The following PXDNL variants were observed in gnomAD, a reference collection of about 807,000 sequenced individuals.
The protein encoded by PXDNL is peroxidasin like, also known as probable oxidoreductase PXDNL.
PXDNL carries 145 observed loss-of-function variants against 150.8 expected under a neutral mutation model. The ratio of observed to expected loss-of-function variants is 0.96; its 90% CI spans 0.84 to 1.10. PXDNL has a LOEUF of 1.10. PXDNL is among the 50% of genes least tolerant of loss of function. PXDNL has a pLI of 0.00. For synonymous variants in PXDNL, 757 were observed against 725.7 expected (o/e 1.04, Z -0.69); for missense variants, 2,087 against 1,873.9 (o/e 1.11, Z -2.10).
At chr8:51,639,138 G>T (rs1814679337) in intron 2 of PXDNL, among the ~76,000 whole-genome samples, 2 of 152,178 alleles carry the variant, frequency 1.3e-5, no homozygotes. Context: ...AAATAAAGAT[G>T]TTCTTTGAAA....
At chr8:51,404,234 G>C (rs1056286248) in intron 17 of PXDNL, among the ~76,000 whole-genome samples, 1 of 152,246 alleles carries the variant, frequency 6.6e-6, no homozygotes. Flanking sequence ...ACTGTCGAAA[G>C]AGACCGGAGT....
chr8:51,679,987 A>G (rs369179919), intron 1 of PXDNL, among the ~76,000 whole-genome samples: 108 of 152,348 alleles, frequency 7.1e-4, no homozygotes, highest in Middle Eastern at 3.4e-3. Flanking sequence ...TGAAACTTGT[A>G]TGTGAATGAG....
At position 51,381,383 on chromosome 8, in the gene PXDNL, T is replaced by A. The variant is rs566036162; in HGVS notation, c.3558-6652A>T. ...CCAATAAAATGAGTAAAAAAAAAAATTTTGTCCAAGGCTACACCAACCTCC... is the reference window on the plus strand; with the variant it reads ...CCAATAAAATGAGTAAAAAAAAAAAATTTGTCCAAGGCTACACCAACCTCC... On this transcript the variant is annotated intron_variant, in intron 17 of 22. Coordinates refer to ENST00000356297, the MANE Select transcript of PXDNL (RefSeq NM_144651.5). Among the ~76,000 whole-genome samples the A allele has an allele frequency of 3.9e-5, 6 of 152,044 alleles. No individual in the cohort carries two copies. In the East Asian group the frequency reaches 5.8e-4, roughly 15 times the overall value.
intron 4 of PXDNL, among the ~76,000 whole-genome samples, chr8:51,519,039 G>T (rs554196655): frequency 6.6e-6 from 1 of 152,276 alleles, no homozygotes; most frequent in South Asian, 2.1e-4. Context: ...ATAGGAAATG[G>T]ATTTGGCCAT....
At chr8:51,757,510 A>C (rs530078255) in intron 1 of PXDNL, among the ~76,000 whole-genome samples, 1 of 152,368 alleles carries the variant, frequency 6.6e-6, no homozygotes, top group East Asian at 1.9e-4. Flanking sequence ...GATTTTGATC[A>C]GTATTTCAAC....
rs1012703106 is a variant in PXDNL at position 51,531,209 on chromosome 8, T to A, written c.380+25631A>T. On this transcript the variant is annotated intron_variant, in intron 4 of 22. Transcript: ENST00000356297. ...GCTAAAGCTGTCTAGAGCTACCAAATTGCTTAACCAAGGAATTGATTCCAG... is the reference window on the plus strand; with the variant it reads ...GCTAAAGCTGTCTAGAGCTACCAAAATGCTTAACCAAGGAATTGATTCCAG... Among the ~76,000 whole-genome samples, 3 of 152,150 alleles carry A rather than the reference T, an allele frequency of 2.0e-5. No homozygotes were observed. The South Asian group carries it at 6.2e-4, about 32-fold the overall frequency.
intron 1 of PXDNL, among the ~76,000 whole-genome samples, chr8:51,805,436 A>T (rs1336794204): frequency 6.8e-6 from 1 of 148,102 alleles, no homozygotes; most frequent in Non-Finnish European, 1.5e-5. Flanking sequence ...ACATCATTTT[A>T]TGTATATATA....
chr8:51,597,725 T>C (rs1288298907), intron 2 of PXDNL, among the ~76,000 whole-genome samples: 2 of 151,768 alleles, frequency 1.3e-5, no homozygotes, highest in African/African-American at 2.4e-5. Context: ...TTTTCTTTTT[T>C]TTTTTTGAGA....
intron 3 of PXDNL, among the ~76,000 whole-genome samples, chr8:51,582,535 A>T (rs1813230932): frequency 6.6e-6 from 1 of 152,172 alleles, no homozygotes; most frequent in African/African-American, 2.4e-5. Flanking sequence ...AGGGTCATAG[A>T]GTTCTTTTGA....
intron 4 of PXDNL, among the ~76,000 whole-genome samples, chr8:51,547,223 T>C (rs1051083692): frequency 6.6e-6 from 1 of 152,278 alleles, no homozygotes; most frequent in African/African-American, 2.4e-5. Flanking sequence ...ACCTCCTGGC[T>C]GGAGGCCACC....
chr8:51,543,501 A>G (rs1228804087), intron 4 of PXDNL, among the ~76,000 whole-genome samples: 1 of 152,124 alleles, frequency 6.6e-6, no homozygotes, highest in African/African-American at 2.4e-5. Flanking sequence ...TCACAAGGTC[A>G]GGAGATTGAG....
chr8:51,393,703 G>A (rs1242693073), intron 17 of PXDNL, among the ~76,000 whole-genome samples: 5 of 152,222 alleles, frequency 3.3e-5, no homozygotes, highest in Non-Finnish European at 5.9e-5. Flanking sequence ...TGCATTATCT[G>A]GGTGGGCCCA....
chr8:51,422,219 G>T (rs145926106), intron 14 of PXDNL, among the ~76,000 whole-genome samples: 1 of 152,158 alleles, frequency 6.6e-6, no homozygotes, highest in Non-Finnish European at 1.5e-5. Context: ...ATGGTGAGTT[G>T]TATAATTATT....
chr8:51,360,536 C>T (rs1199320046), intron 19 of PXDNL, among the ~76,000 whole-genome samples: 1 of 152,224 alleles, frequency 6.6e-6, no homozygotes, highest in Non-Finnish European at 1.5e-5. Flanking sequence ...CATATGTGTA[C>T]ACACTCATGC....
intron 12 of PXDNL, among the ~76,000 whole-genome samples, chr8:51,434,814 G>C (rs1457078801): frequency 6.6e-6 from 1 of 152,156 alleles, no homozygotes; most frequent in Non-Finnish European, 1.5e-5. Flanking sequence ...AGATCAGTTT[G>C]CCATAGACAC....
At chr8:51,558,362 G>A (rs1812639241) in intron 3 of PXDNL, among the ~76,000 whole-genome samples, 1 of 152,022 alleles carries the variant, frequency 6.6e-6, no homozygotes, top group Non-Finnish European at 1.5e-5. Flanking sequence ...GTACAGAACA[G>A]GTGAAAGTAT....
chr8:51,635,721 C>A (rs1056174591), intron 2 of PXDNL, among the ~76,000 whole-genome samples: 1 of 151,920 alleles, frequency 6.6e-6, no homozygotes, highest in Admixed American at 6.6e-5. Context: ...TCAAAAACCT[C>A]ACAACAAAGA....
At chr8:51,405,994 A>G (rs1043244813) in intron 17 of PXDNL, among the ~76,000 whole-genome samples, 11 of 152,226 alleles carry the variant, frequency 7.2e-5, no homozygotes, top group East Asian at 5.8e-4. Flanking sequence ...TGAATGCTCA[A>G]TGAAGTCTCC....
intron 5 of PXDNL, among the ~76,000 whole-genome samples, chr8:51,493,008 G>A (rs1313930349): frequency 1.3e-5 from 2 of 152,204 alleles, no homozygotes; most frequent in East Asian, 3.9e-4. Context: ...TGAACCCTGA[G>A]TAGCCTAACT....
Sources: allele counts gnomAD v4.1 joint callset (sites outside exome capture counted in the v4.1 genomes callset), GRCh38; gene constraint gnomAD v4.1.1; transcripts MANE v1.5; gene names NCBI Gene and HGNC (gene_info 2026-07-23, HGNC 2026-07-21).